COL19A1: variants seen among roughly 807,000 people sequenced by gnomAD.
COL19A1 encodes collagen alpha-1(XIX) chain.
Under a neutral mutation model 190.2 loss-of-function variants are expected in COL19A1, and 159 were observed. That is an observed-to-expected ratio of 0.84 (90% confidence interval 0.73 to 0.95). The LOEUF (loss-of-function observed/expected upper bound fraction) is 0.95. Among genes scored for constraint, COL19A1 ranks in the 40% least tolerant of loss-of-function variants. COL19A1 has a pLI of 0.00. For synonymous variants in COL19A1, 509 were observed against 458.9 expected, an observed-to-expected ratio of 1.11 and a Z score of -1.39; for missense variants, 1,418 against 1,431.9, an observed-to-expected ratio of 0.99 and a Z score of 0.16.
intron 42 of COL19A1, among the ~76,000 whole-genome samples, chr6:70,179,578 G>C (rs1001967863): frequency 9.2e-5 from 14 of 152,164 alleles, no homozygotes; most frequent in Non-Finnish European, 5.9e-5. Flanking sequence ...TTTTCAGGTT[G>C]TCATACTATG....
At chr6:70,195,949 G>A (rs1257005524) in intron 48 of COL19A1, among the ~76,000 whole-genome samples, 1 of 152,246 alleles carries the variant, frequency 6.6e-6, no homozygotes, top group Non-Finnish European at 1.5e-5. Context: ...GTTTTGCTAG[G>A]ATTCAGGAGG....
chr6:70,180,875 A>T (rs1766131905), intron 44 of COL19A1, among the ~76,000 whole-genome samples: 1 of 152,234 alleles, frequency 6.6e-6, no homozygotes, highest in Non-Finnish European at 1.5e-5. Context: ...TAATACCTGT[A>T]TGTTAAACCA....
chr6:70,139,558 G>A (rs1027759325), intron 19 of COL19A1, among the ~76,000 whole-genome samples: 3 of 151,968 alleles, frequency 2.0e-5, no homozygotes, highest in South Asian at 2.1e-4. Flanking sequence ...ACATTATTAC[G>A]GAGAGCAGTT....
At chr6:70,155,992 A>G (rs1787405663) in intron 31 of COL19A1, 135 bp from the exon 32 acceptor site, 1 of 635,904 alleles carries the variant, frequency 1.6e-6, no homozygotes, top group Non-Finnish European at 2.7e-6. Context: ...GGATACATCA[A>G]GTGTCTGAAA....
intron 9 of COL19A1, among the ~76,000 whole-genome samples, chr6:69,939,481 T>A (rs1267694430): frequency 6.6e-6 from 1 of 152,086 alleles, no homozygotes; most frequent in African/African-American, 2.4e-5. Flanking sequence ...GCCACATAGC[T>A]TGTGGCCAAA....
chr6:70,177,100 G>A (rs150182517), intron 42 of COL19A1, among the ~76,000 whole-genome samples: 60 of 152,058 alleles, frequency 3.9e-4, no homozygotes, highest in Admixed American at 1.4e-3. Flanking sequence ...TCTCATCAAG[G>A]CCTTTTCAAA....
intron 14 of COL19A1, among the ~76,000 whole-genome samples, chr6:70,052,791 G>C (rs531965068): frequency 6.6e-6 from 1 of 152,312 alleles, no homozygotes; most frequent in South Asian, 2.1e-4. Flanking sequence ...TTATTTGGAA[G>C]TGCAAGTAGA....
chr6:70,029,501 C>T (rs531840726), intron 12 of COL19A1, among the ~76,000 whole-genome samples: 1 of 152,250 alleles, frequency 6.6e-6, no homozygotes, highest in East Asian at 1.9e-4. Flanking sequence ...ATATTTAATT[C>T]AGAGTCTATT....
intron 12 of COL19A1, among the ~76,000 whole-genome samples, chr6:70,025,711 A>G (rs947352264): frequency 6.6e-6 from 1 of 152,250 alleles, no homozygotes; most frequent in Admixed American, 6.5e-5. Context: ...CCTAGTACTT[A>G]GCACATGTTT....
chr6:70,102,872 C>T (rs919561504), intron 16 of COL19A1, among the ~76,000 whole-genome samples: 4 of 152,174 alleles, frequency 2.6e-5, no homozygotes, highest in Admixed American at 1.3e-4. Flanking sequence ...ACTTTTCAGG[C>T]TTCTTCTTAC....
chr6:70,038,044 T>C (rs1779445162), intron 14 of COL19A1, among the ~76,000 whole-genome samples: 1 of 152,214 alleles, frequency 6.6e-6, no homozygotes, highest in Admixed American at 6.5e-5. Context: ...TAAACTAAAA[T>C]GAATACCAAC....
At chr6:70,108,231 C>A (rs56957355) in intron 16 of COL19A1, among the ~76,000 whole-genome samples, 1 of 152,094 alleles carries the variant, frequency 6.6e-6, no homozygotes, top group Non-Finnish European at 1.5e-5. Context: ...TATTAAAAAC[C>A]ACACTAATTT....
At chr6:70,198,112 T>C (rs1051145366) in intron 48 of COL19A1, among the ~76,000 whole-genome samples, 2 of 152,148 alleles carry the variant, frequency 1.3e-5, no homozygotes, top group African/African-American at 4.8e-5. Flanking sequence ...TTCAACTAAA[T>C]CAACTAAACT....
rs942821865 is a variant in COL19A1 at position 70,190,235 on chromosome 6, G to A, written c.3028-80G>A. The A allele has an allele frequency of 1.7e-5, 19 of 1,110,908 alleles. No individual in the cohort carries two copies. The Admixed American group carries it at 4.3e-4, about 25-fold the overall frequency. The allele number at this position is 1,110,908 out of a possible 1,614,324, so 68.8% of individuals were successfully genotyped here. ...TGCATCCCTACAGAAGTTTCAAATA[G>A]GCAAGCCAACCCAATATTTCTATTC... On this transcript the variant is annotated intron_variant, in intron 47 of 50. Transcript: ENST00000620364.
intron 11 of COL19A1, among the ~76,000 whole-genome samples, chr6:69,967,229 A>G (rs1582552428): frequency 6.6e-6 from 1 of 152,180 alleles, no homozygotes; most frequent in African/African-American, 2.4e-5. Flanking sequence ...ACTTGGGCAT[A>G]TATGGTGGCA....
Position 70,142,834 on chromosome 6 carries a change from C to A in COL19A1, c.1626+14C>A, listed in dbSNP as rs1323671556. 6.2e-7 allele frequency: 1 copy of A among 1,605,136 alleles called. No homozygotes were observed. The highest frequency in any genetic ancestry group is 1.1e-5 in the South Asian group (1 of 89,426). On this transcript the variant is annotated intron_variant, in intron 23 of 50. Transcript: ENST00000620364. ...CCAGGAGATGTTGTATGTATAATGTCTTTGATATTTCTGGAATTGAAATTG... is the reference window on the plus strand; with the variant it reads ...CCAGGAGATGTTGTATGTATAATGTATTTGATATTTCTGGAATTGAAATTG...
intron 34 of COL19A1, among the ~76,000 whole-genome samples, chr6:70,160,763 C>T (rs958302735): frequency 2.0e-5 from 3 of 152,104 alleles, no homozygotes; most frequent in African/African-American, 7.2e-5. Flanking sequence ...TAAAACTTAT[C>T]TATTTGTCGT....
intron 14 of COL19A1, among the ~76,000 whole-genome samples, chr6:70,038,108 A>T (rs1779449268): frequency 6.6e-6 from 1 of 152,248 alleles, no homozygotes; most frequent in Non-Finnish European, 1.5e-5. Context: ...GTACATTATT[A>T]GTTGAAATAA....
intron 2 of COL19A1, among the ~76,000 whole-genome samples, chr6:69,892,196 C>A (rs1459301932): frequency 6.6e-6 from 1 of 152,222 alleles, no homozygotes; most frequent in Non-Finnish European, 1.5e-5. Context: ...TTTATCCCAA[C>A]TGCCTGGCAG....
Sources: gnomAD v4.1 joint callset for allele counts (sites outside exome capture counted in the v4.1 genomes callset) on GRCh38, gnomAD v4.1.1 for gene constraint, MANE v1.5 for transcripts, NCBI Gene and HGNC (gene_info 2026-07-23, HGNC 2026-07-21) for gene names.